PCDH9: variants seen among roughly 807,000 people sequenced by gnomAD.
PCDH9 encodes protocadherin-9.
A neutral mutation model predicts 70.6 loss-of-function variants in PCDH9; 24 were observed. The observed-to-expected ratio is 0.34, with a 90% CI of 0.25 to 0.48. PCDH9 has a LOEUF of 0.48. Ranked by LOEUF, PCDH9 falls within the 20% of genes least tolerant of loss-of-function variation. PCDH9 has a pLI of 0.99. For missense variants in PCDH9, 1,281 were observed against 1,503.6 expected (o/e 0.85, Z 2.45); for synonymous variants, 562 against 558.5 (o/e 1.01, Z -0.09).
At chr13:66,431,685 T>C (rs1250057545) in intron 4 of PCDH9, among the ~76,000 whole-genome samples, 2 of 152,000 alleles carry the variant, frequency 1.3e-5, no homozygotes. Context: ...ATAAAGATCT[T>C]TCACTTAAAG....
intron 3 of PCDH9, among the ~76,000 whole-genome samples, chr13:66,674,299 T>C (rs913407823): frequency 6.6e-6 from 1 of 152,084 alleles, no homozygotes; most frequent in Non-Finnish European, 1.5e-5. Context: ...ATTATCACTG[T>C]TATTTTGCTT....
At chr13:66,665,030 G>A (rs548715290) in intron 3 of PCDH9, among the ~76,000 whole-genome samples, 1 of 151,938 alleles carries the variant, frequency 6.6e-6, no homozygotes, top group Non-Finnish European at 1.5e-5. Flanking sequence ...AGTCAACACT[G>A]TTTTTCTATT....
intron 2 of PCDH9, among the ~76,000 whole-genome samples, chr13:67,117,078 G>GA (rs953393939): frequency 6.6e-6 from 1 of 152,016 alleles, no homozygotes; most frequent in East Asian, 1.9e-4. Flanking sequence ...AAAAAAACAG[G>GA]AAAAAAATGT....
intron 4 of PCDH9, among the ~76,000 whole-genome samples, chr13:66,533,948 G>A (rs1265939236): frequency 6.6e-6 from 1 of 152,046 alleles, no homozygotes; most frequent in African/African-American, 2.4e-5. Flanking sequence ...TTTAGATATA[G>A]AAAATAACAC....
At chr13:67,180,387 T>A (rs891616287) in intron 2 of PCDH9, among the ~76,000 whole-genome samples, 4 of 152,068 alleles carry the variant, frequency 2.6e-5, no homozygotes, top group African/African-American at 9.7e-5. Flanking sequence ...AGTCAAAGCT[T>A]TTATTATCTC....
At chr13:67,178,339 C>T (rs1021697624) in intron 2 of PCDH9, among the ~76,000 whole-genome samples, 15 of 151,990 alleles carry the variant, frequency 9.9e-5, no homozygotes, top group Non-Finnish European at 2.9e-5. Flanking sequence ...TCAAGTCTTT[C>T]AACTGTAAAA....
intron 2 of PCDH9, among the ~76,000 whole-genome samples, chr13:67,008,254 C>T (rs188988671): frequency 6.6e-6 from 1 of 152,044 alleles, no homozygotes; most frequent in Non-Finnish European, 1.5e-5. Context: ...GTAAAAAGCA[C>T]TATAACTAAC....
At chr13:66,633,837 G>A (rs898632356) in intron 3 of PCDH9, among the ~76,000 whole-genome samples, 1 of 152,100 alleles carries the variant, frequency 6.6e-6, no homozygotes, top group Non-Finnish European at 1.5e-5. Context: ...TTTTAATGAC[G>A]ATATTTCTTC....
intron 4 of PCDH9, among the ~76,000 whole-genome samples, chr13:66,596,883 T>C (rs1236486073): frequency 1.3e-5 from 2 of 151,506 alleles, no homozygotes; most frequent in Non-Finnish European, 3.0e-5. Flanking sequence ...TATTCTTTTT[T>C]TTTTTTTATT....
At chr13:66,801,070 C>T (rs2080319248) in intron 3 of PCDH9, among the ~76,000 whole-genome samples, 2 of 144,602 alleles carry the variant, frequency 1.4e-5, no homozygotes, top group South Asian at 4.3e-4. Context: ...AATGTGTAGG[C>T]TGAAACCTCG....
chr13:67,046,393 A>C (rs1441933335), intron 2 of PCDH9, among the ~76,000 whole-genome samples: 1 of 152,208 alleles, frequency 6.6e-6, no homozygotes, highest in Non-Finnish European at 1.5e-5. Context: ...TGTTTGATAA[A>C]ATTGATAAAG....
chr13:66,474,258 A>G (rs150051997), intron 4 of PCDH9, among the ~76,000 whole-genome samples: 15 of 152,276 alleles, frequency 9.9e-5, no homozygotes, highest in Admixed American at 2.0e-4. Context: ...ACAGAACACA[A>G]AGACTGTCTC....
At chr13:66,591,920 A>T (rs2077043913) in intron 4 of PCDH9, among the ~76,000 whole-genome samples, 1 of 151,800 alleles carries the variant, frequency 6.6e-6, no homozygotes, top group Non-Finnish European at 1.5e-5. Flanking sequence ...GTGTGTTCTC[A>T]TGATTAATCT....
intron 3 of PCDH9, among the ~76,000 whole-genome samples, chr13:66,667,731 G>A (rs1021840426): frequency 1.3e-5 from 2 of 151,880 alleles, no homozygotes; most frequent in African/African-American, 4.8e-5. Flanking sequence ...ATTTATTCCT[G>A]ACATCTAAAA....
chr13:66,708,004 A>T (rs1402485551), intron 3 of PCDH9, among the ~76,000 whole-genome samples: 1 of 152,286 alleles, frequency 6.6e-6, no homozygotes, highest in South Asian at 2.1e-4. Flanking sequence ...TTTTGAAGAA[A>T]ATCTTTAAAT....
Position 66,485,644 on chromosome 13 carries a change from T to C in PCDH9, c.3340+145566A>G, listed in dbSNP as rs1388526576. Among the ~76,000 whole-genome samples the C allele has an allele frequency of 3.3e-5, 5 of 152,112 alleles. 1 individual carries two copies. Among genetic ancestry groups the C allele is most frequent in the East Asian group, 3.9e-4 (2 of 5,192 alleles). The stretch of plus-strand genomic sequence containing the variant: ...AGAGACAGAGACATAGAAAGAGACT[T>C]ATGGCAATGCATAAATTATCATAAA... On this transcript the variant is annotated intron_variant, in intron 4 of 4. Coordinates refer to ENST00000377865, the MANE Select transcript of PCDH9 (RefSeq NM_203487.3).
At chr13:67,106,247 T>C (rs935317147) in intron 2 of PCDH9, among the ~76,000 whole-genome samples, 5 of 152,210 alleles carry the variant, frequency 3.3e-5, no homozygotes, top group Non-Finnish European at 5.9e-5. Context: ...TGCTTCCTAT[T>C]TACCAAGTTA....
intron 3 of PCDH9, among the ~76,000 whole-genome samples, chr13:66,818,937 A>AAAAAAAAAAAAAAC (rs142407761): frequency 6.8e-6 from 1 of 146,494 alleles, no homozygotes; most frequent in Admixed American, 6.8e-5. Flanking sequence ...CCCGTCTCAA[A>AAAAAAAAAAAAAAC]AAAAAACAAA....
intron 3 of PCDH9, among the ~76,000 whole-genome samples, chr13:66,682,661 A>G (rs1343083933): frequency 6.6e-6 from 1 of 152,126 alleles, no homozygotes; most frequent in Non-Finnish European, 1.5e-5. Flanking sequence ...TTATAGTCAG[A>G]GTGTATTGTA....
Sources: gnomAD v4.1 joint callset for allele counts (sites outside exome capture counted in the v4.1 genomes callset) on GRCh38, gnomAD v4.1.1 for gene constraint, MANE v1.5 for transcripts, NCBI Gene and HGNC (gene_info 2026-07-23, HGNC 2026-07-21) for gene names.